The following PHF6 variants were observed in gnomAD, a reference collection of about 807,000 sequenced individuals.
PHF6 encodes the protein PHD-like zinc finger protein.
A neutral mutation model predicts 34.0 loss-of-function variants in PHF6; 7 were observed. The observed-to-expected ratio is 0.21, with a 90% CI of 0.12 to 0.39. The LOEUF is 0.39. PHF6 is among the 10% of genes least tolerant of loss of function. The pLI is 1.00. For synonymous variants in PHF6, 89 were observed against 88.4 expected (o/e 1.01, Z -0.04); for missense variants, 128 against 262.8 (o/e 0.49, Z 3.55).
intron 3 of PHF6, among the ~76,000 whole-genome samples, chrX:134,379,037 T>C (rs1315175636): frequency 8.9e-6 from 1 of 111,865 alleles, no homozygotes; most frequent in African/African-American, 3.2e-5. Flanking sequence ...AAGATGCGTT[T>C]TGCCAAACAT....
chrX:134,425,544 C>T (rs2077505210), intron 10 of PHF6, 117 bp from the exon 11 acceptor site: 2 of 408,421 alleles, frequency 4.9e-6, no homozygotes, highest in South Asian at 7.3e-5. Flanking sequence ...TCTGCTTTAT[C>T]AATAAGTGTA....
At chrX:134,417,059 A>G in intron 8 of PHF6, 110 bp from the exon 9 acceptor site, 1 of 849,891 alleles carries the variant, frequency 1.2e-6, no homozygotes, top group Non-Finnish European at 1.7e-6. Flanking sequence ...AAGTTGCAGC[A>G]TTATTTCAGT....
At chrX:134,392,404 T>TA (rs1255763574) in intron 3 of PHF6, among the ~76,000 whole-genome samples, 1 of 112,352 alleles carries the variant, frequency 8.9e-6, no homozygotes, top group Admixed American at 9.5e-5. Context: ...TACATTATGA[T>TA]ATGTTAATCA....
At chrX:134,374,304 G>A (rs1239762547) in intron 1 of PHF6, among the ~76,000 whole-genome samples, 1 of 111,831 alleles carries the variant, frequency 8.9e-6, no homozygotes, top group African/African-American at 3.3e-5. Context: ...CTAATGTCAG[G>A]TCTTATTTAT....
chrX:134,412,739 C>T (rs1405165828), intron 5 of PHF6, among the ~76,000 whole-genome samples: 1 of 112,193 alleles, frequency 8.9e-6, no homozygotes, highest in East Asian at 2.8e-4. Context: ...CTGAGAAATG[C>T]AGTTCTCAAA....
At position 134,410,475 on chromosome X, in the gene PHF6, T is replaced by C. The variant is rs1407905814; in HGVS notation, c.419-3016T>C. Among the ~76,000 whole-genome samples the C allele has an allele frequency of 4.5e-5, 5 of 111,586 alleles. No homozygotes were observed. The South Asian group carries it at 1.5e-3, about 33-fold the overall frequency. On this transcript the variant is annotated intron_variant, in intron 5 of 10. Coordinates refer to ENST00000370803, the MANE Select transcript of PHF6 (RefSeq NM_001015877.2). Reference sequence around the variant, plus strand: ...GGAGAAGTTAAATATTTTTAAACTATACTTATTAACTACTTATATTCTGAG... The same window carrying C: ...GGAGAAGTTAAATATTTTTAAACTACACTTATTAACTACTTATATTCTGAG...
chrX:134,378,665 A>G (rs781362221), intron 3 of PHF6, among the ~76,000 whole-genome samples: 1 of 112,955 alleles, frequency 8.9e-6, no homozygotes, highest in African/African-American at 3.2e-5. Context: ...TTCACTACCA[A>G]TAACCATATT....
chrX:134,398,093 T>C (rs2077384722), intron 5 of PHF6, among the ~76,000 whole-genome samples: 1 of 111,879 alleles, frequency 8.9e-6, no homozygotes, highest in Non-Finnish European at 1.9e-5. Flanking sequence ...GAAAGCTATG[T>C]AAGTAAAAGA....
intron 7 of PHF6, among the ~76,000 whole-genome samples, chrX:134,414,173 T>C (rs182383695): frequency 4.8e-4 from 54 of 111,541 alleles, no homozygotes; most frequent in African/African-American, 1.6e-3. Flanking sequence ...TGTTAAATTA[T>C]AGCCTTTATG....
At chrX:134,408,902 C>T (rs1375797926) in intron 5 of PHF6, among the ~76,000 whole-genome samples, 1 of 111,326 alleles carries the variant, frequency 9.0e-6, no homozygotes, top group Non-Finnish European at 1.9e-5. Flanking sequence ...TTGGTAGAGA[C>T]GGGGTTTTGC....
At chrX:134,409,631 G>A (rs1312433941) in intron 5 of PHF6, among the ~76,000 whole-genome samples, 1 of 108,631 alleles carries the variant, frequency 9.2e-6, no homozygotes, top group Non-Finnish European at 1.9e-5. Context: ...TTTCTAACAC[G>A]TATTTTGTTG....
intron 9 of PHF6, chrX:134,420,413 GAATT>G (rs893739413): frequency 2.7e-5 from 3 of 110,075 alleles, no homozygotes; most frequent in African/African-American, 9.9e-5. Context: ...AATCAACTTT[GAATT>G]TATTAAAATT....
At position 134,413,972 on chromosome X, in the gene PHF6, C is replaced by T; in HGVS notation, c.729+6C>T. The T allele has an allele frequency of 7.4e-6, 9 of 1,208,257 alleles. No individual in the cohort carries two copies. The highest frequency in any genetic ancestry group is 1.0e-5 in the Non-Finnish European group (9 of 893,061). On this transcript the variant is annotated splice_donor_region_variant and intron_variant, in intron 7 of 10. Transcript: ENST00000370803. ...CTGCCCATTATAAGTGCATGGTAAG[C>T]ATGGTTCTTTTAAGCCCAATTTTGT... is the stretch of plus-strand genomic sequence containing the variant.
At chrX:134,386,019 A>G (rs1480050601) in intron 3 of PHF6, among the ~76,000 whole-genome samples, 1 of 112,065 alleles carries the variant, frequency 8.9e-6, no homozygotes, top group African/African-American at 3.2e-5. Flanking sequence ...GCTGGGAAAG[A>G]GGATCACAAT....
At chrX:134,384,561 A>T (rs1406064662) in intron 3 of PHF6, among the ~76,000 whole-genome samples, 3 of 110,734 alleles carry the variant, frequency 2.7e-5, no homozygotes, top group African/African-American at 6.6e-5. Context: ...CTTCTTCTGA[A>T]TCCTTTACCA....
chrX:134,391,264 G>A (rs1310042165), intron 3 of PHF6, among the ~76,000 whole-genome samples: 1 of 111,437 alleles, frequency 9.0e-6, no homozygotes, highest in Non-Finnish European at 1.9e-5. Context: ...GTGAGCTGCT[G>A]TACCCGGACC....
intron 5 of PHF6, 62 bp downstream of exon 5, chrX:134,394,014 T>G (rs2077365881): frequency 1.0e-6 from 1 of 969,758 alleles, no homozygotes. Context: ...GAGTACAGAT[T>G]AGTGAATTAT....
At position 134,427,860 on chromosome X, in the gene PHF6, T is replaced by C; in HGVS notation, c.*2200T>C. 2 of 159,408 alleles carry C rather than the reference T, an allele frequency of 1.3e-5. No individual in the cohort carries two copies. Among genetic ancestry groups the C allele is most frequent in the Non-Finnish European group, 2.5e-5 (2 of 81,076 alleles). 13.1% of individuals were successfully genotyped at this position (159,408 alleles called of 1,213,427 possible). A position where few individuals can be genotyped will look rare whatever the true frequency, so the allele number is the denominator to read the frequency against. ...TGCTGAGTAAAAGTGCCTTACAATG[T>C]AAAAATTGTACAGTACTTATGTTCC... On this transcript the variant is annotated 3_prime_UTR_variant, in exon 11 of 11. Transcript: ENST00000370803.
At chrX:134,374,526 T>C (rs1602687529) in intron 1 of PHF6, among the ~76,000 whole-genome samples, 1 of 112,675 alleles carries the variant, frequency 8.9e-6, no homozygotes, top group African/African-American at 3.2e-5. Context: ...ACGTTTGTTA[T>C]CTGTTTTGAT....
Sources: gnomAD v4.1 joint callset for allele counts (sites outside exome capture counted in the v4.1 genomes callset) on GRCh38, gnomAD v4.1.1 for gene constraint, MANE v1.5 for transcripts, NCBI Gene and HGNC (gene_info 2026-07-23, HGNC 2026-07-21) for gene names.